SIAH2: variants seen among roughly 807,000 people sequenced by gnomAD.
The protein encoded by SIAH2 is siah E3 ubiquitin protein ligase 2, also known as E3 ubiquitin-protein ligase SIAH2.
A neutral mutation model predicts 20.4 loss-of-function variants in SIAH2; 4 were observed. The ratio of observed to expected loss-of-function variants is 0.20; its 90% CI spans 0.10 to 0.45. The LOEUF (loss-of-function observed/expected upper bound fraction) is 0.45. Ranked by LOEUF, SIAH2 falls within the 20% of genes least tolerant of loss-of-function variation. The probability of loss-of-function intolerance (pLI) is 0.99; values close to 1 mark genes in which losing one functional copy is unlikely to be tolerated. For synonymous variants in SIAH2, 171 were observed against 192.5 expected (o/e 0.89, Z 0.93); for missense variants, 259 against 440.3 (o/e 0.59, Z 3.69).
Position 150,762,388 on chromosome 3 carries a change from C to A in SIAH2, c.417+45G>T, listed in dbSNP as rs3773613. 1,588 of 1,580,280 alleles carry A rather than the reference C, an allele frequency of 1.0e-3. 28 individuals are homozygous for A. The East Asian group carries it at 0.033, about 33-fold the overall frequency. On this transcript the variant is annotated intron_variant, in intron 1 of 1. Coordinates refer to ENST00000312960, the MANE Select transcript of SIAH2 (RefSeq NM_005067.7). This position sits in a 1 kb window ranked among gnomAD's most constrained non-coding sequence, Gnocchi z 6.6. ...CGAGTGGGCTGGCGGATACCGGAGT[C>A]CCTGAGGTCACCGGCGGAGGTACGT...
At chr3:150,749,326 CCT>C (rs1296184868) in intron 1 of SIAH2, among the ~76,000 whole-genome samples, 4 of 151,836 alleles carry the variant, frequency 2.6e-5, no homozygotes, top group South Asian at 2.1e-4. Flanking sequence ...TAGGGAGACC[CCT>C]GTCTCTATAA....
intron 1 of SIAH2, among the ~76,000 whole-genome samples, chr3:150,761,443 A>G (rs552939246): frequency 6.6e-6 from 1 of 152,354 alleles, no homozygotes; most frequent in East Asian, 1.9e-4. Flanking sequence ...GCATAGAGAA[A>G]TATGTGTGAT....
At chr3:150,747,618 C>T (rs868294891) in intron 1 of SIAH2, among the ~76,000 whole-genome samples, 1 of 152,046 alleles carries the variant, frequency 6.6e-6, no homozygotes, top group Non-Finnish European at 1.5e-5. Context: ...AACACACACA[C>T]ACACACACTC....
chr3:150,743,470 T>C (rs1251557364), intron 1 of SIAH2, among the ~76,000 whole-genome samples: 1 of 152,174 alleles, frequency 6.6e-6, no homozygotes, highest in East Asian at 1.9e-4. Flanking sequence ...AACCCTCCTC[T>C]CAAAGCTTGC....
Position 150,742,748 on chromosome 3 carries a change from T to C in SIAH2, c.418-50A>G. 1 of 1,463,194 alleles carries C rather than the reference T, an allele frequency of 6.8e-7. No homozygotes were observed. Among genetic ancestry groups the C allele is most frequent in the Non-Finnish European group, 9.2e-7 (1 of 1,088,590 alleles). 90.6% of individuals were successfully genotyped at this position (1,463,194 alleles called of 1,614,324 possible). ...CCATTGGGCCTTCTCAAAACTTCTATTGCTTCAACCCTCTATGAGTACTTA... is the reference window on the plus strand; with the variant it reads ...CCATTGGGCCTTCTCAAAACTTCTACTGCTTCAACCCTCTATGAGTACTTA... On this transcript the variant is annotated intron_variant, in intron 1 of 1. Transcript: ENST00000312960. This position sits in a 1 kb window ranked among gnomAD's most constrained non-coding sequence, Gnocchi z 4.8.
At chr3:150,754,770 A>G (rs1714447382) in intron 1 of SIAH2, among the ~76,000 whole-genome samples, 1 of 152,216 alleles carries the variant, frequency 6.6e-6, no homozygotes. Context: ...AAAATATAAT[A>G]CATATAATTT....
At chr3:150,746,613 C>A (rs1208691447) in intron 1 of SIAH2, among the ~76,000 whole-genome samples, 1 of 152,208 alleles carries the variant, frequency 6.6e-6, no homozygotes, top group African/African-American at 2.4e-5. Flanking sequence ...CCCCCTGCCC[C>A]TCAGTTGTGA....
intron 1 of SIAH2, among the ~76,000 whole-genome samples, chr3:150,748,981 A>G (rs1007648397): frequency 3.4e-4 from 51 of 152,224 alleles, no homozygotes; most frequent in African/African-American, 1.1e-3. Flanking sequence ...CTATGATTAT[A>G]TAAGAAAATG....
chr3:150,759,766 A>C (rs910815849), intron 1 of SIAH2, among the ~76,000 whole-genome samples: 1 of 152,226 alleles, frequency 6.6e-6, no homozygotes, highest in South Asian at 2.1e-4. Flanking sequence ...ATCCAATAAC[A>C]TTCCAGATAG....
intron 1 of SIAH2, among the ~76,000 whole-genome samples, chr3:150,748,870 A>G (rs1714286895): frequency 6.6e-6 from 1 of 152,208 alleles, no homozygotes; most frequent in Non-Finnish European, 1.5e-5. Context: ...ATTCCTATAA[A>G]GGACATTCAT....
At chr3:150,745,239 C>T (rs1364774713) in intron 1 of SIAH2, among the ~76,000 whole-genome samples, 1 of 97,142 alleles carries the variant, frequency 1.0e-5, no homozygotes, top group Non-Finnish European at 1.9e-5. Flanking sequence ...TTTTAACCCC[C>T]TACACACACA....
chr3:150,747,805 CA>C (rs1170313529), intron 1 of SIAH2, among the ~76,000 whole-genome samples: 2 of 149,746 alleles, frequency 1.3e-5, no homozygotes, highest in Non-Finnish European at 3.0e-5. Flanking sequence ...AAAACAAAAA[CA>C]AAAAAAAATT....
At chr3:150,751,624 G>A (rs1439760395) in intron 1 of SIAH2, among the ~76,000 whole-genome samples, 1 of 152,012 alleles carries the variant, frequency 6.6e-6, no homozygotes, top group Admixed American at 6.6e-5. Flanking sequence ...TTAAAATCTT[G>A]GGCCCAAAAA....
intron 1 of SIAH2, among the ~76,000 whole-genome samples, chr3:150,760,021 G>A (rs538947680): frequency 2.6e-5 from 4 of 152,298 alleles, no homozygotes; most frequent in South Asian, 4.1e-4. Context: ...ATTTCTAGGA[G>A]CCTCAAACTG....
At chr3:150,753,388 T>C (rs1179778143) in intron 1 of SIAH2, among the ~76,000 whole-genome samples, 1 of 152,192 alleles carries the variant, frequency 6.6e-6, no homozygotes, top group African/African-American at 2.4e-5. Flanking sequence ...AAGCAGGCTG[T>C]GGCATTAAGA....
In SIAH2 at chr3:150,762,985, C is replaced by G. The variant is rs891166566; in HGVS notation, c.-136G>C. The G allele has an allele frequency of 1.0e-6, 1 of 997,740 alleles. No individual in the cohort carries two copies. Among genetic ancestry groups the G allele is most frequent in the Non-Finnish European group, 1.2e-6 (1 of 813,652 alleles). The allele number at this position is 997,740 out of a possible 1,614,324, so 61.8% of individuals were successfully genotyped here. ...CCAGCCCAGGTCCGGGCGGCGGAGA[C>G]GCTCGGCGCCCGGCAGGCGGAGGGC... On this transcript the variant is annotated 5_prime_UTR_variant, in exon 1 of 2. Transcript: ENST00000312960. The surrounding 1 kb of genome is among the most constrained non-coding windows in gnomAD (Gnocchi z 6.6).
chr3:150,743,963 C>G (rs1278163964), intron 1 of SIAH2, among the ~76,000 whole-genome samples: 3 of 150,814 alleles, frequency 2.0e-5, no homozygotes, highest in Non-Finnish European at 4.4e-5. Context: ...ATGAAGGCAC[C>G]AAATAAGGGC....
At chr3:150,750,541 CAT>C (rs2108120447) in intron 1 of SIAH2, among the ~76,000 whole-genome samples, 1 of 152,204 alleles carries the variant, frequency 6.6e-6, no homozygotes, top group African/African-American at 2.4e-5. Context: ...AAGTGTTTCA[CAT>C]ATTTTATTTA....
rs541882678 is a variant in SIAH2, at chr3:150,749,079, C to G, written c.418-6381G>C. Among the ~76,000 whole-genome samples the G allele has an allele frequency of 9.2e-5, 14 of 152,180 alleles. No individual in the cohort carries two copies. In the South Asian group the frequency reaches 2.7e-3, roughly 29 times the overall value. Reference sequence around the variant, plus strand: ...TCAAATGGTTAAAAAAAAGTACGAGCAAAGACAGCACAAATGATAAAGCAA... The same window carrying G: ...TCAAATGGTTAAAAAAAAGTACGAGGAAAGACAGCACAAATGATAAAGCAA... On this transcript the variant is annotated intron_variant, in intron 1 of 1. Transcript: ENST00000312960.
Sources: allele counts gnomAD v4.1 joint callset (sites outside exome capture counted in the v4.1 genomes callset), GRCh38; gene constraint gnomAD v4.1.1; non-coding constraint Gnocchi (gnomAD v3.1); transcripts MANE v1.5; gene names NCBI Gene and HGNC (gene_info 2026-07-23, HGNC 2026-07-21).